The following PRTG variants were observed in gnomAD, a reference collection of about 807,000 sequenced individuals.
The protein encoded by PRTG is immunoglobulin superfamily, DCC subclass, member 5.
PRTG carries 67 observed loss-of-function variants against 122.5 expected under a neutral mutation model. The ratio of observed to expected loss-of-function variants is 0.55; its 90% CI spans 0.45 to 0.67. PRTG has a LOEUF of 0.67. PRTG is among the 30% of genes least tolerant of loss of function. The pLI, the probability that PRTG is intolerant of heterozygous loss-of-function variation, is 0.00. For missense variants in PRTG, 1,435 were observed against 1,415.4 expected, an observed-to-expected ratio of 1.01 and a Z score of -0.22; for synonymous variants, 554 against 501.1, an observed-to-expected ratio of 1.11 and a Z score of -1.41.
At chr15:55,677,162 T>C (rs111919596) in intron 8 of PRTG, among the ~76,000 whole-genome samples, 6 of 152,232 alleles carry the variant, frequency 3.9e-5, no homozygotes, top group South Asian at 2.1e-4. Flanking sequence ...AAGTAAAATA[T>C]AAGAAAAATT....
chr15:55,649,791 CAATAAATAAATAAATAAATAAATA>C (rs59626091), intron 11 of PRTG, among the ~76,000 whole-genome samples: 15 of 147,998 alleles, frequency 1.0e-4, no homozygotes, highest in African/African-American at 2.8e-4. Flanking sequence ...GACTCAGTCT[CAATAAATAAATAAATAAATAAATA>C]AATAAATAAA....
At chr15:55,719,265 T>C (rs1469303348) in intron 2 of PRTG, among the ~76,000 whole-genome samples, 1 of 152,236 alleles carries the variant, frequency 6.6e-6, no homozygotes, top group Non-Finnish European at 1.5e-5. Flanking sequence ...TGAGAAATTG[T>C]TGCATATGGT....
At chr15:55,726,581 G>A (rs1473914275) in intron 2 of PRTG, among the ~76,000 whole-genome samples, 6 of 150,426 alleles carry the variant, frequency 4.0e-5, no homozygotes, top group East Asian at 1.9e-4. Flanking sequence ...ACAGTGAGCC[G>A]AGGCTATGCC....
intron 2 of PRTG, 73 bp from the exon 3 acceptor site, chr15:55,684,004 A>G (rs1453467644): frequency 1.7e-5 from 22 of 1,286,868 alleles, no homozygotes; most frequent in Non-Finnish European, 2.1e-5. Context: ...TACACTAGAT[A>G]TTACTTATTG....
At position 55,620,282 on chromosome 15, in the gene PRTG, TA is replaced by T; in HGVS notation, c.3199-17del. The T allele has an allele frequency of 6.2e-7, 1 of 1,612,758 alleles. No homozygotes were observed. Among genetic ancestry groups the T allele is most frequent in the South Asian group, 1.1e-5 (1 of 90,932 alleles). On this transcript the variant is annotated splice_polypyrimidine_tract_variant and intron_variant, in intron 19 of 19. Transcript: ENST00000389286. Reference sequence around the variant, plus strand: ...TTCTTTGAGGCTAGGCAAAAAAAGATAAGATGGCAATGAGATACCAGACTGA... The same window carrying T: ...TTCTTTGAGGCTAGGCAAAAAAAGATAGATGGCAATGAGATACCAGACTGA...
rs757588361 is a variant in PRTG at position 55,683,782 on chromosome 15, T to A, written c.542+5A>T. On this transcript the variant is annotated splice_donor_5th_base_variant and intron_variant, in intron 3 of 19. Coordinates refer to ENST00000389286, the MANE Select transcript of PRTG (RefSeq NM_173814.6). Reference sequence around the variant, plus strand: ...TCATCTCCAAAGACAAAAATCTACATCTACCTGTCCATAGTCATAGGTAGA... The same window carrying A: ...TCATCTCCAAAGACAAAAATCTACAACTACCTGTCCATAGTCATAGGTAGA... 6 of 1,608,042 alleles carry A rather than the reference T, an allele frequency of 3.7e-6. No homozygotes were observed. The highest frequency in any genetic ancestry group is 1.3e-5 in the African/African-American group (1 of 74,620).
chr15:55,655,510 A>G (rs1230645836), intron 11 of PRTG: 1 of 152,230 alleles, frequency 6.6e-6, no homozygotes, highest in Non-Finnish European at 1.5e-5. Context: ...TGAGTTATTC[A>G]GTTGTTTAAG....
chr15:55,705,545 C>A (rs900711849), intron 2 of PRTG, among the ~76,000 whole-genome samples: 3 of 152,144 alleles, frequency 2.0e-5, no homozygotes, highest in Admixed American at 6.5e-5. Context: ...CTTCCACTTC[C>A]CAGGTTCAAG....
chr15:55,654,803 TC>T (rs1200166314), intron 11 of PRTG, among the ~76,000 whole-genome samples: 1 of 152,228 alleles, frequency 6.6e-6, no homozygotes, highest in African/African-American at 2.4e-5. Context: ...CTAATATTTT[TC>T]CGTTTCACTG....
chr15:55,730,947 T>C (rs913981020), intron 2 of PRTG, among the ~76,000 whole-genome samples: 1 of 152,190 alleles, frequency 6.6e-6, no homozygotes, highest in African/African-American at 2.4e-5. Context: ...TTGCGATCTT[T>C]ACTTAAGGAA....
At chr15:55,740,768 T>C in intron 1 of PRTG, 84 bp from the exon 2 acceptor site, 1 of 1,184,528 alleles carries the variant, frequency 8.4e-7, no homozygotes, top group Non-Finnish European at 1.2e-6. Context: ...AAACACATAT[T>C]CAGGGTATGA....
chr15:55,724,757 CA>C (rs1230792969), intron 2 of PRTG, among the ~76,000 whole-genome samples: 2 of 148,456 alleles, frequency 1.3e-5, no homozygotes, highest in East Asian at 2.1e-4. Context: ...GACACAGTCT[CA>C]AAAAAAATGA....
At chr15:55,734,819 G>T (rs1053753021) in intron 2 of PRTG, among the ~76,000 whole-genome samples, 6 of 152,136 alleles carry the variant, frequency 3.9e-5, no homozygotes, top group Admixed American at 3.9e-4. Context: ...ACCTTTGTGA[G>T]GATGACGCCT....
At chr15:55,677,475 C>A (rs1484166168) in intron 8 of PRTG, among the ~76,000 whole-genome samples, 1 of 152,064 alleles carries the variant, frequency 6.6e-6, no homozygotes, top group Non-Finnish European at 1.5e-5. Context: ...TATATTAAGT[C>A]TCAGTTAAGG....
rs2059478713 is a variant in PRTG, at chr15:55,672,565, C to T, written c.1921G>A (p.Asp641Asn). ...TGAATAGCAGCTGTGTCCTCTACAT[C>T]TTGCTGCCACCTCACAGAAATGGTG... ...CTTISVRWQQ[D>N]VEDTAAIQGY... The change falls in exon 11 of 20, where the codon GAT becomes AAT. Residue 641 changes from aspartate (D) to asparagine (N), a missense_variant. Asp to Asn is a conservative substitution (Grantham distance 23). Coordinates refer to ENST00000389286, the MANE Select transcript of PRTG (RefSeq NM_173814.6). 1 of 1,613,978 alleles carries T rather than the reference C, an allele frequency of 6.2e-7. No homozygotes were observed. Among genetic ancestry groups the T allele is most frequent in the Admixed American group, 1.7e-5 (1 of 59,998 alleles).
intron 11 of PRTG, among the ~76,000 whole-genome samples, chr15:55,641,683 T>C (rs2059291337): frequency 6.6e-6 from 1 of 152,246 alleles, no homozygotes; most frequent in Non-Finnish European, 1.5e-5. Context: ...TGTCATTCTT[T>C]AGTACCTTTG....
At position 55,672,444 on chromosome 15, in the gene PRTG, C is replaced by T; in HGVS notation, c.2041+1G>A. ...GAAAAATACAGTACAAACTCACTCACCTAAGCCACTGAGAGTATAGAGTAG... is the reference window on the plus strand; with the variant it reads ...GAAAAATACAGTACAAACTCACTCATCTAAGCCACTGAGAGTATAGAGTAG... On this transcript the variant is annotated splice_donor_variant, in intron 11 of 19. Transcript: ENST00000389286. LOFTEE classifies it high-confidence loss of function. 2 of 1,611,606 alleles carry T rather than the reference C, an allele frequency of 1.2e-6. No homozygotes were observed. Among genetic ancestry groups the T allele is most frequent in the Non-Finnish European group, 1.7e-6 (2 of 1,178,822 alleles).
At chr15:55,631,749 T>A (rs2059228764) in intron 15 of PRTG, among the ~76,000 whole-genome samples, 1 of 152,218 alleles carries the variant, frequency 6.6e-6, no homozygotes. Flanking sequence ...AATTTCTAAC[T>A]TGGGGCACGT....
In PRTG at chr15:55,725,552, T is replaced by C. The variant is rs367611061; in HGVS notation, c.397+14830A>G. The stretch of plus-strand genomic sequence containing the variant: ...TTGAGGATGCAGTGAGCCGTGATCG[T>C]GCTACTGCCCTCCAGTCTGGGTGAG... On this transcript the variant is annotated intron_variant, in intron 2 of 19. Coordinates refer to ENST00000389286, the MANE Select transcript of PRTG (RefSeq NM_173814.6). Among the ~76,000 whole-genome samples the C allele has an allele frequency of 3.5e-4, 53 of 151,294 alleles. No individual in the cohort carries two copies. The Middle Eastern group carries it at 0.017, about 49-fold the overall frequency.
Sources: allele counts gnomAD v4.1 joint callset (sites outside exome capture counted in the v4.1 genomes callset), GRCh38; gene constraint gnomAD v4.1.1; transcripts MANE v1.5; gene names NCBI Gene and HGNC (gene_info 2026-07-23, HGNC 2026-07-21).